Variants in ZBTB7C observed in about 807,000 individuals in gnomAD.
ZBTB7C encodes the protein zinc finger and BTB domain-containing protein 7C.
ZBTB7C carries 8 observed loss-of-function variants against 25.7 expected under a neutral mutation model. That is an observed-to-expected ratio of 0.31 (90% CI 0.18 to 0.56). The LOEUF (loss-of-function observed/expected upper bound fraction) is 0.56. Among genes scored for constraint, ZBTB7C ranks in the 20% least tolerant of loss-of-function variants. ZBTB7C has a pLI of 0.91. For missense variants in ZBTB7C, 824 were observed against 855.2 expected (o/e 0.96, Z 0.46); for synonymous variants, 394 against 369.0 (o/e 1.07, Z -0.78).
chr18:48,373,995 C>T lies in ZBTB7C; in HGVS notation c.-304+35231G>A, dbSNP rs117371215. Among the ~76,000 whole-genome samples, 3 of 151,964 alleles carry T rather than the reference C, an allele frequency of 2.0e-5. No homozygotes were observed. The East Asian group carries it at 5.8e-4, about 29-fold the overall frequency. ...AAAAGCATGTGGCACCTCCTCCCTC[C>T]CACTCTGTCTCTCTTGCTCCTGTTC... On this transcript the variant is annotated intron_variant, in intron 1 of 4. Coordinates refer to ENST00000590800, the MANE Select transcript of ZBTB7C (RefSeq NM_001318841.2).
At chr18:48,367,308 A>C (rs1182243472) in intron 1 of ZBTB7C, among the ~76,000 whole-genome samples, 1 of 134,058 alleles carries the variant, frequency 7.5e-6, no homozygotes, top group East Asian at 2.1e-4. Flanking sequence ...ATATATGTAT[A>C]GATACATATA....
chr18:48,312,894 G>A (rs748710286), intron 2 of ZBTB7C, among the ~76,000 whole-genome samples: 11 of 152,188 alleles, frequency 7.2e-5, no homozygotes, highest in Non-Finnish European at 1.5e-4. Context: ...ACGATGCTAC[G>A]GGGCAGGGAT....
In ZBTB7C at chr18:48,027,452, A is replaced by T. The variant is rs1050579853; in HGVS notation, c.*1808T>A. 5.3e-5 allele frequency: 8 copies of T among 151,400 alleles called. No individual in the cohort carries two copies. The highest frequency in any genetic ancestry group is 1.0e-4 in the Non-Finnish European group (7 of 67,980). 9.4% of individuals were successfully genotyped at this position (151,400 alleles called of 1,614,324 possible). ...AACACGGGGGCACGTTGGCTGGTGGACATGGGCATGCTTCAGAGAAAAGTG... is the reference window on the plus strand; with the variant it reads ...AACACGGGGGCACGTTGGCTGGTGGTCATGGGCATGCTTCAGAGAAAAGTG... On this transcript the variant is annotated 3_prime_UTR_variant, in exon 5 of 5. Transcript: ENST00000590800.
chr18:48,161,030 G>C (rs1451005958), intron 3 of ZBTB7C, among the ~76,000 whole-genome samples: 2 of 151,528 alleles, frequency 1.3e-5, no homozygotes, highest in African/African-American at 4.9e-5. Context: ...CCATGAGAAG[G>C]GTGTGGTTCC....
intron 2 of ZBTB7C, among the ~76,000 whole-genome samples, chr18:48,319,950 T>G (rs2046050521): frequency 6.6e-6 from 1 of 152,070 alleles, no homozygotes. Context: ...GGCCGTGGGT[T>G]TATATCAGTG....
At chr18:48,121,653 A>G (rs2039634355) in intron 3 of ZBTB7C, among the ~76,000 whole-genome samples, 1 of 152,138 alleles carries the variant, frequency 6.6e-6, no homozygotes, top group Admixed American at 6.5e-5. Context: ...GCAGCAATTC[A>G]CATGAAGGCT....
intron 3 of ZBTB7C, among the ~76,000 whole-genome samples, chr18:48,070,855 G>C (rs1598821640): frequency 6.6e-6 from 1 of 152,138 alleles, no homozygotes; most frequent in Non-Finnish European, 1.5e-5. Flanking sequence ...TTGAGGCTGA[G>C]TTTTCCCCCT....
intron 3 of ZBTB7C, among the ~76,000 whole-genome samples, chr18:48,161,596 C>T (rs1365521518): frequency 6.6e-6 from 1 of 152,056 alleles, no homozygotes; most frequent in Admixed American, 6.5e-5. Context: ...AAGCAGAATC[C>T]GGGACATGAA....
chr18:48,266,254 G>A (rs2044310857), intron 2 of ZBTB7C, among the ~76,000 whole-genome samples: 1 of 152,186 alleles, frequency 6.6e-6, no homozygotes, highest in Non-Finnish European at 1.5e-5. Context: ...CACAACTCAT[G>A]CTCTTCCCAC....
At chr18:48,029,992 A>C in intron 4 of ZBTB7C, 81 bp from the exon 5 acceptor site, 4 of 1,579,272 alleles carry the variant, frequency 2.5e-6, no homozygotes. Flanking sequence ...TTTCTCCAGA[A>C]CCAGCCGAGG....
intron 2 of ZBTB7C, among the ~76,000 whole-genome samples, chr18:48,194,523 G>A (rs1348717799): frequency 6.6e-6 from 1 of 152,186 alleles, no homozygotes; most frequent in Non-Finnish European, 1.5e-5. Flanking sequence ...GTAAGCTCAG[G>A]AGATAATGTG....
chr18:48,328,680 C>T (rs1000011), intron 2 of ZBTB7C, among the ~76,000 whole-genome samples: 56,313 of 151,898 alleles, frequency 0.37, 11,433 homozygotes, highest in East Asian at 0.74. Context: ...TGGGCTGGAA[C>T]GCCTATCTCC....
At chr18:48,242,231 G>A (rs1042315648) in intron 2 of ZBTB7C, among the ~76,000 whole-genome samples, 1 of 152,044 alleles carries the variant, frequency 6.6e-6, no homozygotes, top group Non-Finnish European at 1.5e-5. Context: ...AAAAGTCTAG[G>A]ACAAGATGGA....
chr18:48,043,748 T>G (rs926933491), intron 3 of ZBTB7C, among the ~76,000 whole-genome samples: 19 of 152,212 alleles, frequency 1.2e-4, no homozygotes, highest in African/African-American at 4.6e-4. Flanking sequence ...AAAGGGTACA[T>G]GAGATGTCTC....
chr18:48,208,672 T>G (rs1261166361), intron 2 of ZBTB7C, among the ~76,000 whole-genome samples: 1 of 152,230 alleles, frequency 6.6e-6, no homozygotes, highest in African/African-American at 2.4e-5. Flanking sequence ...TCTCCACCAC[T>G]GATCCTGCTC....
intron 1 of ZBTB7C, among the ~76,000 whole-genome samples, chr18:48,401,901 C>G (rs73437421): frequency 0.035 from 5,371 of 152,206 alleles, 316 homozygotes; most frequent in African/African-American, 0.12. Flanking sequence ...AATCATTTCA[C>G]AGTCAACCGT....
chr18:48,405,317 CT>C (rs141657927), intron 1 of ZBTB7C, among the ~76,000 whole-genome samples: 7,663 of 152,198 alleles, frequency 0.05, 607 homozygotes, highest in African/African-American at 0.17. Flanking sequence ...GAATGCATGC[CT>C]TCAAACCTCC....
rs988569723 is a variant in ZBTB7C at position 48,157,471 on chromosome 18, G to A, written c.-17+28463C>T. 4.6e-5 allele frequency among the ~76,000 whole-genome samples: 7 copies of A among 152,178 alleles called. No individual in the cohort carries two copies. The East Asian group carries it at 7.7e-4, about 17-fold the overall frequency. On this transcript the variant is annotated intron_variant, in intron 3 of 4. Transcript: ENST00000590800. ...GATAAGAAGTGGTCCTTCTGTCTGC[G>A]GAGCCCTTCACACTTCTCAAAGTGA...
At chr18:48,151,812 T>C (rs540837959) in intron 3 of ZBTB7C, among the ~76,000 whole-genome samples, 1 of 152,314 alleles carries the variant, frequency 6.6e-6, no homozygotes, top group South Asian at 2.1e-4. Flanking sequence ...CCTTGACAAC[T>C]GGGCCTCTCT....
Sources: gnomAD v4.1 joint callset for allele counts (sites outside exome capture counted in the v4.1 genomes callset) on GRCh38, gnomAD v4.1.1 for gene constraint, MANE v1.5 for transcripts, NCBI Gene and HGNC (gene_info 2026-07-23, HGNC 2026-07-21) for gene names.